CMSS1: variants seen among roughly 807,000 people sequenced by gnomAD.
CMSS1 encodes protein CMSS1.
Under a neutral mutation model 43.5 loss-of-function variants are expected in CMSS1, and 33 were observed. That is an observed-to-expected ratio of 0.76 (90% CI 0.57 to 1.01). CMSS1 has a LOEUF of 1.01. Among genes scored for constraint, CMSS1 ranks in the 50% least tolerant of loss-of-function variants. The probability of loss-of-function intolerance (pLI) is 0.00; values close to 1 mark genes in which losing one functional copy is unlikely to be tolerated. For missense variants in CMSS1, 313 were observed against 326.4 expected (o/e 0.96, Z 0.32); for synonymous variants, 115 against 117.2 (o/e 0.98, Z 0.12).
intron 1 of CMSS1, among the ~76,000 whole-genome samples, chr3:99,963,879 G>A (rs758178759): frequency 2.0e-5 from 3 of 152,074 alleles, no homozygotes; most frequent in Non-Finnish European, 4.4e-5. Flanking sequence ...GCCTCCCAAA[G>A]TCCTGGGATT....
chr3:99,864,302 G>T (rs554176958), intron 1 of CMSS1, among the ~76,000 whole-genome samples: 1 of 152,258 alleles, frequency 6.6e-6, no homozygotes, highest in South Asian at 2.1e-4. Flanking sequence ...GTACTAGAGT[G>T]TGAGACTTGG....
intron 1 of CMSS1, among the ~76,000 whole-genome samples, chr3:100,144,741 G>C (rs2107510916): frequency 6.6e-6 from 1 of 152,354 alleles, no homozygotes; most frequent in South Asian, 2.1e-4. Context: ...TTTTGGTAAA[G>C]AGAGCAGACT....
chr3:100,105,319 A>G (rs2066375855), intron 1 of CMSS1, among the ~76,000 whole-genome samples: 1 of 152,192 alleles, frequency 6.6e-6, no homozygotes, highest in Non-Finnish European at 1.5e-5. Flanking sequence ...TACTCAGGAA[A>G]GACATGAGCA....
At chr3:99,861,008 C>T (rs1051480530) in intron 1 of CMSS1, among the ~76,000 whole-genome samples, 4 of 152,170 alleles carry the variant, frequency 2.6e-5, no homozygotes, top group African/African-American at 9.7e-5. Context: ...AAGTTAATTA[C>T]TGTGAATACA....
chr3:100,129,503 C>T (rs1489401270), intron 1 of CMSS1, among the ~76,000 whole-genome samples: 2 of 152,150 alleles, frequency 1.3e-5, no homozygotes, highest in Non-Finnish European at 2.9e-5. Flanking sequence ...TGTTAAGTCA[C>T]ACAAAACAGT....
At chr3:100,097,685 G>A (rs530533873) in intron 1 of CMSS1, among the ~76,000 whole-genome samples, 4 of 152,092 alleles carry the variant, frequency 2.6e-5, no homozygotes, top group Non-Finnish European at 5.9e-5. Context: ...AAACTATTAG[G>A]TTATTTTCAG....
chr3:100,178,346 C>T lies in CMSS1; in HGVS notation c.798C>T (p.Leu266=), dbSNP rs766891505. The change falls in exon 10 of 10, where the codon CTC becomes CTT. Residue 266 remains leucine (L), a synonymous_variant. Transcript: ENST00000421999. ...EVFELLEMGV[L]SLCKSESLKL... Reference sequence around the variant, plus strand: ...TCGAACTTCTGGAAATGGGAGTGCTCAGTCTGTGCAAGTCAGAATCCTTGA... The same window carrying T: ...TCGAACTTCTGGAAATGGGAGTGCTTAGTCTGTGCAAGTCAGAATCCTTGA... 1.1e-5 allele frequency: 18 copies of T among 1,613,154 alleles called. No individual in the cohort carries two copies. Among genetic ancestry groups the T allele is most frequent in the Non-Finnish European group, 1.5e-5 (18 of 1,179,366 alleles).
At chr3:100,080,171 CG>C (rs1445416250) in intron 1 of CMSS1, among the ~76,000 whole-genome samples, 1 of 151,928 alleles carries the variant, frequency 6.6e-6, no homozygotes, top group Non-Finnish European at 1.5e-5. Context: ...TTAATAGAGA[CG>C]GGGATCTCGC....
chr3:100,064,221 T>C (rs1392210180), intron 1 of CMSS1, among the ~76,000 whole-genome samples: 1 of 152,158 alleles, frequency 6.6e-6, no homozygotes, highest in Admixed American at 6.5e-5. Context: ...GTGTGGTGGA[T>C]TGGGAAAGAG....
chr3:99,866,433 A>G (rs775718035), intron 1 of CMSS1, among the ~76,000 whole-genome samples: 3 of 152,290 alleles, frequency 2.0e-5, no homozygotes, highest in Middle Eastern at 3.4e-3. Flanking sequence ...ACAGATGCCT[A>G]TGTTTTACTG....
At chr3:99,953,896 T>G (rs371995458) in intron 1 of CMSS1, among the ~76,000 whole-genome samples, 4 of 152,350 alleles carry the variant, frequency 2.6e-5, no homozygotes, top group Non-Finnish European at 2.9e-5. Flanking sequence ...CACCAAGGCA[T>G]ACCTCCCACA....
At chr3:99,977,486 G>A (rs1039854870) in intron 1 of CMSS1, among the ~76,000 whole-genome samples, 8 of 152,076 alleles carry the variant, frequency 5.3e-5, no homozygotes, top group Non-Finnish European at 1.0e-4. Context: ...TATGAGAGAT[G>A]TCAAGGAAGA....
chr3:100,126,792 A>G (rs1325094664), intron 1 of CMSS1, among the ~76,000 whole-genome samples: 1 of 152,092 alleles, frequency 6.6e-6, no homozygotes, highest in African/African-American at 2.4e-5. Flanking sequence ...AGGTCAGGAG[A>G]TCGAGACCAT....
At chr3:99,868,507 C>T (rs1489396032) in intron 1 of CMSS1, among the ~76,000 whole-genome samples, 1 of 152,188 alleles carries the variant, frequency 6.6e-6, no homozygotes, top group African/African-American at 2.4e-5. Flanking sequence ...GTAACAGTAG[C>T]TGCTATAGGT....
intron 2 of CMSS1, among the ~76,000 whole-genome samples, chr3:100,147,831 T>C (rs1576104508): frequency 6.6e-6 from 1 of 152,214 alleles, no homozygotes; most frequent in South Asian, 2.1e-4. Context: ...ATTCGTGGTC[T>C]TTGCCATTAC....
intron 1 of CMSS1, among the ~76,000 whole-genome samples, chr3:99,923,619 C>T (rs1363881896): frequency 6.6e-6 from 1 of 152,214 alleles, no homozygotes; most frequent in East Asian, 1.9e-4. Context: ...TCATCTTTCT[C>T]ATCTGGATAT....
chr3:100,124,621 C>T (rs1348853387), intron 1 of CMSS1, among the ~76,000 whole-genome samples: 4 of 152,144 alleles, frequency 2.6e-5, no homozygotes, highest in Non-Finnish European at 5.9e-5. Flanking sequence ...TCGCAGTCCT[C>T]ACCACCCAGC....
chr3:99,845,348 T>C (rs745991849), intron 1 of CMSS1, among the ~76,000 whole-genome samples: 1 of 152,118 alleles, frequency 6.6e-6, no homozygotes, highest in Non-Finnish European at 1.5e-5. Flanking sequence ...AAAGAGATAG[T>C]GGGAATGTGA....
chr3:100,037,956 T>TTTTTTTG (rs1491209575), intron 1 of CMSS1, among the ~76,000 whole-genome samples: 2 of 87,844 alleles, frequency 2.3e-5, no homozygotes, highest in Admixed American at 1.3e-4. Context: ...TTTTTTTTTT[T>TTTTTTTG]GGGGGGGGAG....
Sources: allele counts gnomAD v4.1 joint callset (sites outside exome capture counted in the v4.1 genomes callset), GRCh38; gene constraint gnomAD v4.1.1; transcripts MANE v1.5; gene names NCBI Gene and HGNC (gene_info 2026-07-23, HGNC 2026-07-21).